The following CSRNP3 variants were observed in gnomAD, a reference collection of about 807,000 sequenced individuals.
CSRNP3 encodes the protein cysteine/serine-rich nuclear protein 3.
In CSRNP3, 12 loss-of-function variants were observed where a neutral mutation model predicts 48.0. The observed-to-expected ratio is 0.25, with a 90% CI of 0.16 to 0.41. CSRNP3 has a LOEUF of 0.41. Ranked by LOEUF, CSRNP3 falls within the 10% of genes least tolerant of loss-of-function variation. CSRNP3 has a pLI of 1.00. For synonymous variants in CSRNP3, 263 were observed against 269.7 expected, an observed-to-expected ratio of 0.98 and a Z score of 0.24; for missense variants, 580 against 724.4, an observed-to-expected ratio of 0.80 and a Z score of 2.29.
intron 3 of CSRNP3, among the ~76,000 whole-genome samples, chr2:165,567,376 A>G (rs1685311504): frequency 6.6e-6 from 1 of 152,054 alleles, no homozygotes; most frequent in Non-Finnish European, 1.5e-5. Flanking sequence ...TGGGGAAAAA[A>G]TCTGGATACT....
intron 4 of CSRNP3, among the ~76,000 whole-genome samples, chr2:165,619,346 T>C (rs1160365388): frequency 6.6e-6 from 1 of 152,156 alleles, no homozygotes; most frequent in African/African-American, 2.4e-5. Flanking sequence ...TGATTCAAAT[T>C]CATACAATCC....
intron 4 of CSRNP3, 62 bp downstream of exon 4, chr2:165,595,275 A>G: frequency 2.8e-6 from 4 of 1,425,368 alleles, no homozygotes; most frequent in Non-Finnish European, 3.9e-6. Flanking sequence ...TAATTGTGTC[A>G]TTTTTATTTT....
chr2:165,532,116 A>G (rs1436162211), intron 3 of CSRNP3, among the ~76,000 whole-genome samples: 1 of 152,188 alleles, frequency 6.6e-6, no homozygotes, highest in Non-Finnish European at 1.5e-5. Context: ...TCACAGCCGA[A>G]TTCTACCAGA....
chr2:165,509,003 A>G (rs1288342179), intron 2 of CSRNP3, among the ~76,000 whole-genome samples: 1 of 152,182 alleles, frequency 6.6e-6, no homozygotes, highest in Non-Finnish European at 1.5e-5. Context: ...AGATATTAGC[A>G]TATTGCTTTT....
chr2:165,661,096 T>C (rs1687090042), intron 5 of CSRNP3, among the ~76,000 whole-genome samples: 1 of 152,166 alleles, frequency 6.6e-6, no homozygotes, highest in African/African-American at 2.4e-5. Flanking sequence ...AAAATATTAT[T>C]GACTGTGGTT....
chr2:165,645,237 G>A (rs1237909391), intron 4 of CSRNP3, among the ~76,000 whole-genome samples: 2 of 152,134 alleles, frequency 1.3e-5, no homozygotes, highest in African/African-American at 2.4e-5. Flanking sequence ...GGAAGGCTGA[G>A]GCATGAGAAT....
intron 4 of CSRNP3, among the ~76,000 whole-genome samples, chr2:165,638,983 C>G (rs1573936590): frequency 6.6e-6 from 1 of 152,088 alleles, no homozygotes; most frequent in Non-Finnish European, 1.5e-5. Context: ...TTTTCATCCA[C>G]CAATCAATAC....
chr2:165,538,418 A>G (rs553426152), intron 3 of CSRNP3, among the ~76,000 whole-genome samples: 9 of 151,870 alleles, frequency 5.9e-5, no homozygotes, highest in Non-Finnish European at 1.2e-4. Context: ...TTTGAAGATT[A>G]TATCTGCTGC....
intron 4 of CSRNP3, among the ~76,000 whole-genome samples, chr2:165,627,043 T>C (rs991676265): frequency 2.6e-5 from 4 of 152,200 alleles, no homozygotes; most frequent in Admixed American, 2.6e-4. Context: ...ATGGCTGCCT[T>C]TGAACTCCTT....
intron 4 of CSRNP3, among the ~76,000 whole-genome samples, chr2:165,642,111 C>T (rs1208671458): frequency 8.2e-6 from 1 of 121,576 alleles, no homozygotes; most frequent in African/African-American, 4.0e-5. Context: ...CAAACACACA[C>T]ACACACACAC....
At chr2:165,628,653 G>A (rs1216632911) in intron 4 of CSRNP3, among the ~76,000 whole-genome samples, 1 of 152,192 alleles carries the variant, frequency 6.6e-6, no homozygotes, top group Non-Finnish European at 1.5e-5. Context: ...GAACCTGGGA[G>A]GCGGAGGTTG....
chr2:165,592,227 G>A (rs759415706), intron 3 of CSRNP3, among the ~76,000 whole-genome samples: 3 of 152,196 alleles, frequency 2.0e-5, no homozygotes, highest in Non-Finnish European at 4.4e-5. Flanking sequence ...CTGCCTTGAT[G>A]GATTTCAGAC....
At chr2:165,653,972 C>CAA (rs71028497) in intron 4 of CSRNP3, among the ~76,000 whole-genome samples, 510 of 41,218 alleles carry the variant, frequency 0.012, 129 homozygotes, top group African/African-American at 0.021. Flanking sequence ...AGCTCTATCA[C>CAA]AAAAAAAAAA....
intron 4 of CSRNP3, among the ~76,000 whole-genome samples, chr2:165,602,306 G>A (rs1025719654): frequency 6.6e-6 from 1 of 152,122 alleles, no homozygotes. Context: ...AAAGGAAGCA[G>A]CATAGATAAA....
chr2:165,510,803 G>A (rs1171897467), intron 2 of CSRNP3, among the ~76,000 whole-genome samples: 1 of 152,168 alleles, frequency 6.6e-6, no homozygotes, highest in African/African-American at 2.4e-5. Flanking sequence ...CAGTAGATAT[G>A]AGTCTAAAGC....
At chr2:165,654,371 G>T (rs1686967908) in intron 4 of CSRNP3, among the ~76,000 whole-genome samples, 1 of 152,174 alleles carries the variant, frequency 6.6e-6, no homozygotes, top group African/African-American at 2.4e-5. Context: ...TGGAGTACAG[G>T]TGTGTTACAA....
rs1315624151 is a variant in CSRNP3, at chr2:165,685,152, A to G, written c.*5399A>G. The G allele has an allele frequency of 6.6e-6, 1 of 152,144 alleles. No individual in the cohort carries two copies. Among genetic ancestry groups the G allele is most frequent in the Non-Finnish European group, 1.5e-5 (1 of 68,000 alleles). The allele number at this position is 152,144 out of a possible 1,614,324, so 9.4% of individuals were successfully genotyped here. ...CATGATTGTCAAAAGTAAAAAGTGC[A>G]GACATTTAAAAAAGCTCTTCTTTCA... On this transcript the variant is annotated 3_prime_UTR_variant, in exon 7 of 7. Transcript: ENST00000651982.
chr2:165,684,224 G>A lies in CSRNP3; in HGVS notation c.*4471G>A, dbSNP rs2105370844. The A allele has an allele frequency of 6.6e-6, 1 of 152,208 alleles. No homozygotes were observed. The highest frequency in any genetic ancestry group is 2.1e-4 in the South Asian group (1 of 4,828). 9.4% of individuals were successfully genotyped at this position (152,208 alleles called of 1,614,324 possible). On this transcript the variant is annotated 3_prime_UTR_variant, in exon 7 of 7. Coordinates refer to ENST00000651982, the MANE Select transcript of CSRNP3 (RefSeq NM_001172173.2). The stretch of plus-strand genomic sequence containing the variant: ...CACTTTGCAGCAGGTGGAAAACAGA[G>A]AGGTTGTTAGACTCCATCACTTTCA...
chr2:165,618,114 A>C (rs1210191971), intron 4 of CSRNP3, among the ~76,000 whole-genome samples: 1 of 152,254 alleles, frequency 6.6e-6, no homozygotes, highest in Non-Finnish European at 1.5e-5. Context: ...AACTACATGC[A>C]GCTGCCTGTA....
Sources: allele counts gnomAD v4.1 joint callset (sites outside exome capture counted in the v4.1 genomes callset), GRCh38; gene constraint gnomAD v4.1.1; transcripts MANE v1.5; gene names NCBI Gene and HGNC (gene_info 2026-07-23, HGNC 2026-07-21).